The following SOX4 variants were observed in gnomAD, a reference collection of about 807,000 sequenced individuals.
SOX4 encodes the protein transcription factor SOX-4.
For synonymous variants in SOX4, 465 were observed against 348.4 expected (o/e 1.33, Z -3.73); for missense variants, 662 against 694.9 (o/e 0.95, Z 0.53).
chr6:21,595,590 C>T lies in SOX4; in HGVS notation c.1056C>T (p.Gly352=). The part of the protein sequence containing the change: ...RSSAASSPAA[G]RSPADHRGYA... ...GCGCCGCCTCGTCCCCCGCCGCCGG[C>T]CGCTCGCCCGCCGACCACCGCGGCT... Residue 352 remains glycine, a synonymous_variant, in exon 1 of 1, where the codon GGC becomes GGT. Coordinates refer to ENST00000244745, the MANE Select transcript of SOX4 (RefSeq NM_003107.3). The T allele has an allele frequency of 8.3e-7, 1 of 1,206,398 alleles. No individual in the cohort carries two copies. Among genetic ancestry groups the T allele is most frequent in the Non-Finnish European group, 1.0e-6 (1 of 974,274 alleles). The allele number at this position is 1,206,398 out of a possible 1,614,324, so 74.7% of individuals were successfully genotyped here.
chr6:21,597,542 GGTA>G lies in SOX4; in HGVS notation c.*1586_*1588del, dbSNP rs1763198811. ...TTTTTCTTTTTTTTTTTTTTTTTTT[GGTA>G]GTTGTTGTTACCCACGCCATTTTAC... On this transcript the variant is annotated 3_prime_UTR_variant, in exon 1 of 1. Coordinates refer to ENST00000244745, the MANE Select transcript of SOX4 (RefSeq NM_003107.3). 2.0e-5 allele frequency: 1 copy of G among 50,088 alleles called. No individual in the cohort carries two copies. 3.1% of individuals were successfully genotyped at this position (50,088 alleles called of 1,614,324 possible). A position where few individuals can be genotyped will look rare whatever the true frequency, so the allele number is the denominator to read the frequency against.
In SOX4 at chr6:21,594,370, C is replaced by A. The variant is rs990730766; in HGVS notation, c.-165C>A. On this transcript the variant is annotated 5_prime_UTR_variant, in exon 1 of 1. Transcript: ENST00000244745. Reference sequence around the variant, plus strand: ...CCAAATCTTTTGGGGACTTTTCTCTCTTTACCCACCTCCGCCCCTGCGAGG... The same window carrying A: ...CCAAATCTTTTGGGGACTTTTCTCTATTTACCCACCTCCGCCCCTGCGAGG... The A allele has an allele frequency of 2.4e-6, 2 of 848,882 alleles. No individual in the cohort carries two copies. The highest frequency in any genetic ancestry group is 1.8e-5 in the African/African-American group (1 of 55,906). The allele number at this position is 848,882 out of a possible 1,614,324, so 52.6% of individuals were successfully genotyped here.
chr6:21,595,230 C>G lies in SOX4; in HGVS notation c.696C>G (p.Ala232=). The part of the protein sequence containing the change: ...GGGGGGKAAA[A]AAASFAAEQA... ...GCGGCGGCGGGAAAGCAGCGGCTGC[C>G]GCCGCCGCCTCCTTCGCCGCCGAAC... Residue 232 remains alanine (A), a synonymous_variant, in exon 1 of 1, where the codon GCC becomes GCG. Coordinates refer to ENST00000244745, the MANE Select transcript of SOX4 (RefSeq NM_003107.3). 1 of 1,240,144 alleles carries G rather than the reference C, an allele frequency of 8.1e-7. No individual in the cohort carries two copies. The highest frequency in any genetic ancestry group is 1.0e-6 in the Non-Finnish European group (1 of 996,164). 76.8% of individuals were successfully genotyped at this position (1,240,144 alleles called of 1,614,324 possible).
In SOX4 at chr6:21,596,187, T is replaced by G. The variant is rs1763151454; in HGVS notation, c.*228T>G. 4 of 465,604 alleles carry G rather than the reference T, an allele frequency of 8.6e-6. No homozygotes were observed. The highest frequency in any genetic ancestry group is 1.0e-5 in the Non-Finnish European group (3 of 290,354). The allele number at this position is 465,604 out of a possible 1,614,324, so 28.8% of individuals were successfully genotyped here. A position where few individuals can be genotyped will look rare whatever the true frequency, so the allele number is the denominator to read the frequency against. On this transcript the variant is annotated 3_prime_UTR_variant, in exon 1 of 1. Coordinates refer to ENST00000244745, the MANE Select transcript of SOX4 (RefSeq NM_003107.3). ...ACCTTCCCGGGCCGGGGACCCACTC[T>G]GCCCAGCCGGAGGGACGCGGAGGAG...
Position 21,595,132 on chromosome 6 carries a change from G to A in SOX4, c.598G>A (p.Gly200Ser). Reference protein sequence around the residue: ...NSKPAQKKSCGSKVAGGAGGG... With the variant: ...NSKPAQKKSCSSKVAGGAGGG... ...CAAACCGGCGCAGAAAAAGAGCTGCGGCTCCAAAGTGGCGGGCGGCGCGGG... is the reference window on the plus strand; with the variant it reads ...CAAACCGGCGCAGAAAAAGAGCTGCAGCTCCAAAGTGGCGGGCGGCGCGGG... Residue 200 changes from glycine (G) to serine (S), a missense_variant, in exon 1 of 1, where the codon GGC (glycine) becomes AGC (serine). Transcript: ENST00000244745. 1.5e-6 allele frequency: 2 copies of A among 1,357,490 alleles called. No individual in the cohort carries two copies. Among genetic ancestry groups the A allele is most frequent in the Non-Finnish European group, 1.9e-6 (2 of 1,062,760 alleles). 84.1% of individuals were successfully genotyped at this position (1,357,490 alleles called of 1,614,324 possible).
chr6:21,595,244 T>C lies in SOX4; in HGVS notation c.710T>C (p.Phe237Ser), dbSNP rs1763112571. ...GKAAAAAAAS[F>S]AAEQAGAAAL... The stretch of plus-strand genomic sequence containing the variant: ...GCAGCGGCTGCCGCCGCCGCCTCCT[T>C]CGCCGCCGAACAGGCGGGGGCCGCC... Residue 237 changes from phenylalanine (F) to serine (S), a missense_variant, in exon 1 of 1, where the codon TTC (phenylalanine) becomes TCC (serine). By Grantham distance (155) the Phe-to-Ser change is radical (BLOSUM62 -2). Transcript: ENST00000244745. 9 of 1,246,408 alleles carry C rather than the reference T, an allele frequency of 7.2e-6. 1 individual carries two copies. Among genetic ancestry groups the C allele is most frequent in the South Asian group, 3.6e-5 (1 of 27,662 alleles). 77.2% of individuals were successfully genotyped at this position (1,246,408 alleles called of 1,614,324 possible).
rs1199078075 is a variant in SOX4 at position 21,596,008 on chromosome 6, A to G, written c.*49A>G. ...GCCGGGGGGGGTAGGAGAGGAGAAAAAAAAAGTGAAAAAAAGAAACGAAAA... is the reference window on the plus strand; with the variant it reads ...GCCGGGGGGGGTAGGAGAGGAGAAAGAAAAAGTGAAAAAAAGAAACGAAAA... On this transcript the variant is annotated 3_prime_UTR_variant, in exon 1 of 1. Transcript: ENST00000244745. The G allele has an allele frequency of 3.1e-5, 44 of 1,439,442 alleles. No homozygotes were observed. Among genetic ancestry groups the G allele is most frequent in the Admixed American group, 1.5e-4 (5 of 33,234 alleles). 89.2% of individuals were successfully genotyped at this position (1,439,442 alleles called of 1,614,324 possible).
Position 21,596,335 on chromosome 6 carries a change from G to C in SOX4, c.*376G>C, listed in dbSNP as rs1452924148. The C allele has an allele frequency of 5.6e-6, 1 of 179,132 alleles. No homozygotes were observed. The highest frequency in any genetic ancestry group is 1.3e-5 in the Non-Finnish European group (1 of 76,942). 11.1% of individuals were successfully genotyped at this position (179,132 alleles called of 1,614,324 possible). ...GAAGAGACCCCCTCCCCCTTCCAAC[G>C]AGCTTCCGGACTTGTCTGCACCCCC... On this transcript the variant is annotated 3_prime_UTR_variant, in exon 1 of 1. Coordinates refer to ENST00000244745, the MANE Select transcript of SOX4 (RefSeq NM_003107.3).
rs1763102082 is a variant in SOX4, at chr6:21,594,903, C to T, written c.369C>T (p.Tyr123=). The T allele has an allele frequency of 1.2e-6, 2 of 1,613,158 alleles. No homozygotes were observed. The highest frequency in any genetic ancestry group is 1.7e-6 in the Non-Finnish European group (2 of 1,179,748). The change falls in exon 1 of 1, where the codon TAC becomes TAT. Residue 123 remains tyrosine (Y), a synonymous_variant. Coordinates refer to ENST00000244745, the MANE Select transcript of SOX4 (RefSeq NM_003107.3). ...ERLRLKHMAD[Y]PDYKYRPRKK... ...TGCGCCTCAAGCACATGGCTGACTA[C>T]CCCGACTACAAGTACCGGCCCAGGA...
rs767007125 is a variant in SOX4 at position 21,597,267 on chromosome 6, A to G, written c.*1308A>G. 6.0e-6 allele frequency: 1 copy of G among 166,940 alleles called. No homozygotes were observed. The highest frequency in any genetic ancestry group is 2.4e-5 in the African/African-American group (1 of 41,422). The allele number at this position is 166,940 out of a possible 1,614,324, so 10.3% of individuals were successfully genotyped here. A position where few individuals can be genotyped will look rare whatever the true frequency, so the allele number is the denominator to read the frequency against. ...AATCTGTGCTGGACTTTAAAAAAACAATTCAGGACCAAATTTTTTCTCAGT... is the reference window on the plus strand; with the variant it reads ...AATCTGTGCTGGACTTTAAAAAAACGATTCAGGACCAAATTTTTTCTCAGT... On this transcript the variant is annotated 3_prime_UTR_variant, in exon 1 of 1. Coordinates refer to ENST00000244745, the MANE Select transcript of SOX4 (RefSeq NM_003107.3).
rs1192295876 is a variant in SOX4 at position 21,595,689 on chromosome 6, C to T, written c.1155C>T (p.His385=). The T allele has an allele frequency of 5.7e-6, 9 of 1,573,638 alleles. No individual in the cohort carries two copies. The Middle Eastern group carries it at 5.0e-4, about 87-fold the overall frequency. ...PSHASSSASS[H]SSSSSSSGSS... The stretch of plus-strand genomic sequence containing the variant: ...ACGCGTCCTCCTCGGCCTCGTCCCA[C>T]TCCTCCTCTTCCTCCTCCTCGGGCT... The change falls in exon 1 of 1, where the codon CAC becomes CAT. Residue 385 remains histidine, a synonymous_variant. Coordinates refer to ENST00000244745, the MANE Select transcript of SOX4 (RefSeq NM_003107.3).
Position 21,595,474 on chromosome 6 carries a change from G to A in SOX4, c.940G>A (p.Ala314Thr). Reference sequence around the variant, plus strand: ...GTCGTCGCCCGTGGGCGGCGTGGGCGCGGGAGCCGACCCCAGCGACCCCCT... The same window carrying A: ...GTCGTCGCCCGTGGGCGGCGTGGGCACGGGAGCCGACCCCAGCGACCCCCT... ...TSSSPVGGVG[A>T]GADPSDPLGL... Residue 314 changes from alanine (A) to threonine (T), a missense_variant, in exon 1 of 1, where the codon GCG becomes ACG. By Grantham distance (58) the Ala-to-Thr change is moderately conservative. Coordinates refer to ENST00000244745, the MANE Select transcript of SOX4 (RefSeq NM_003107.3). 6.9e-7 allele frequency: 1 copy of A among 1,447,928 alleles called. No homozygotes were observed. The highest frequency in any genetic ancestry group is 9.1e-7 in the Non-Finnish European group (1 of 1,103,906). The allele number at this position is 1,447,928 out of a possible 1,614,324, so 89.7% of individuals were successfully genotyped here. A position where few individuals can be genotyped will look rare whatever the true frequency, so the allele number is the denominator to read the frequency against.
rs370133433 is a variant in SOX4, at chr6:21,595,456, C to T, written c.922C>T (p.Pro308Ser). ...CGGCGGCCTGGGCACGTCGTCGTCGCCCGTGGGCGGCGTGGGCGCGGGAGC... is the reference window on the plus strand; with the variant it reads ...CGGCGGCCTGGGCACGTCGTCGTCGTCCGTGGGCGGCGTGGGCGCGGGAGC... ...LFGGLGTSSS[P>S]VGGVGAGADP... The change falls in exon 1 of 1, where the codon CCC (proline) becomes TCC (serine). Residue 308 changes from proline (P) to serine (S), a missense_variant. Physicochemically the swap from Pro to Ser is moderately conservative, Grantham distance 74. Transcript: ENST00000244745. The T allele has an allele frequency of 1.0e-5, 15 of 1,481,448 alleles. No homozygotes were observed. Among genetic ancestry groups the T allele is most frequent in the Non-Finnish European group, 1.1e-5 (12 of 1,121,304 alleles). 91.8% of individuals were successfully genotyped at this position (1,481,448 alleles called of 1,614,324 possible). A position where few individuals can be genotyped will look rare whatever the true frequency, so the allele number is the denominator to read the frequency against.
At position 21,595,759 on chromosome 6, in the gene SOX4, A is replaced by C. The variant is rs1259043340; in HGVS notation, c.1225A>C (p.Asn409His). Residue 409 changes from asparagine to histidine, a missense_variant, in exon 1 of 1, where the codon AAC (asparagine) becomes CAC (histidine). Asn to His is a moderately conservative substitution (Grantham distance 68). Transcript: ENST00000244745. ...GTTCGAAGACGACCTGCTCGACCTGAACCCCAGCTCAAACTTTGAGAGCAT... is the reference window on the plus strand; with the variant it reads ...GTTCGAAGACGACCTGCTCGACCTGCACCCCAGCTCAAACTTTGAGAGCAT... The part of the protein sequence containing the change: ...DEFEDDLLDL[N>H]PSSNFESMSL... 1 of 1,613,356 alleles carries C rather than the reference A, an allele frequency of 6.2e-7. No individual in the cohort carries two copies. The highest frequency in any genetic ancestry group is 1.1e-5 in the South Asian group (1 of 91,010).
Position 21,598,173 on chromosome 6 carries a change from C to T in SOX4, c.*2214C>T, listed in dbSNP as rs1214209127. On this transcript the variant is annotated 3_prime_UTR_variant, in exon 1 of 1. Coordinates refer to ENST00000244745, the MANE Select transcript of SOX4 (RefSeq NM_003107.3). The stretch of plus-strand genomic sequence containing the variant: ...TCATTCTTGTATTTGACTATTTAAT[C>T]CTTTCTACTTGTCGCTAAATATAAT... 6.0e-6 allele frequency: 1 copy of T among 166,896 alleles called. No individual in the cohort carries two copies. Among genetic ancestry groups the T allele is most frequent in the Non-Finnish European group, 1.5e-5 (1 of 68,122 alleles). The allele number at this position is 166,896 out of a possible 1,614,324, so 10.3% of individuals were successfully genotyped here.
Position 21,598,068 on chromosome 6 carries a change from T to A in SOX4, c.*2109T>A, listed in dbSNP as rs144734333. On this transcript the variant is annotated 3_prime_UTR_variant, in exon 1 of 1. Transcript: ENST00000244745. Reference sequence around the variant, plus strand: ...AACCACATCTTTTTTGCACTTTTTTTATAAGCAAAAACGTGCCGTTTAAAC... The same window carrying A: ...AACCACATCTTTTTTGCACTTTTTTAATAAGCAAAAACGTGCCGTTTAAAC... 5.6e-3 allele frequency: 943 copies of A among 167,226 alleles called. 9 individuals carry two copies. Among genetic ancestry groups the A allele is most frequent in the Non-Finnish European group, 0.01 (699 of 68,118 alleles). 10.4% of individuals were successfully genotyped at this position (167,226 alleles called of 1,614,324 possible).
rs889119753 is a variant in SOX4 at position 21,598,049 on chromosome 6, A to G, written c.*2090A>G. 1.8e-5 allele frequency: 3 copies of G among 167,122 alleles called. No individual in the cohort carries two copies. The highest frequency in any genetic ancestry group is 2.9e-5 in the Non-Finnish European group (2 of 68,116). The allele number at this position is 167,122 out of a possible 1,614,324, so 10.4% of individuals were successfully genotyped here. A position where few individuals can be genotyped will look rare whatever the true frequency, so the allele number is the denominator to read the frequency against. On this transcript the variant is annotated 3_prime_UTR_variant, in exon 1 of 1. Transcript: ENST00000244745. ...TCTGTAGCTTTAACTTGTAAACCAC[A>G]TCTTTTTTGCACTTTTTTTATAAGC...
At position 21,598,096 on chromosome 6, in the gene SOX4, C is replaced by CT. The variant is rs1763210348; in HGVS notation, c.*2138dup. 1 of 166,934 alleles carries CT rather than the reference C, an allele frequency of 6.0e-6. No individual in the cohort carries two copies. The highest frequency in any genetic ancestry group is 6.5e-5 in the Admixed American group (1 of 15,280). 10.3% of individuals were successfully genotyped at this position (166,934 alleles called of 1,614,324 possible). On this transcript the variant is annotated 3_prime_UTR_variant, in exon 1 of 1. Coordinates refer to ENST00000244745, the MANE Select transcript of SOX4 (RefSeq NM_003107.3). ...AAGCAAAAACGTGCCGTTTAAACCA[C>CT]TGGATCTATCTAAATGCCGATTTGA...
In SOX4 at chr6:21,596,007, A is replaced by G. The variant is rs1345246005; in HGVS notation, c.*48A>G. 3.5e-6 allele frequency: 5 copies of G among 1,438,566 alleles called. No individual in the cohort carries two copies. The highest frequency in any genetic ancestry group is 3.0e-5 in the Admixed American group (1 of 33,188). The allele number at this position is 1,438,566 out of a possible 1,614,324, so 89.1% of individuals were successfully genotyped here. On this transcript the variant is annotated 3_prime_UTR_variant, in exon 1 of 1. Transcript: ENST00000244745. ...GGCCGGGGGGGGTAGGAGAGGAGAA[A>G]AAAAAAGTGAAAAAAAGAAACGAAA... is the stretch of plus-strand genomic sequence containing the variant.
Sources: allele counts gnomAD v4.1 joint callset, GRCh38; gene constraint gnomAD v4.1.1; transcripts MANE v1.5; gene names NCBI Gene and HGNC (gene_info 2026-07-23, HGNC 2026-07-21).